PDE8B: variants seen among roughly 807,000 people sequenced by gnomAD.
The protein encoded by PDE8B is high affinity cAMP-specific and IBMX-insensitive 3',5'-cyclic phosphodiesterase 8B.
In PDE8B, 26 loss-of-function variants were observed where a neutral mutation model predicts 101.3. That is an observed-to-expected ratio of 0.26 (90% CI 0.19 to 0.36). The LOEUF (loss-of-function observed/expected upper bound fraction) is 0.36, where lower values mean the gene tolerates loss of function less well. Among genes scored for constraint, PDE8B ranks in the 10% least tolerant of loss-of-function variants. PDE8B has a pLI of 1.00. For synonymous variants in PDE8B, 424 were observed against 429.3 expected (o/e 0.99, Z 0.15); for missense variants, 810 against 1,163.1 (o/e 0.70, Z 4.42).
intron 1 of PDE8B, among the ~76,000 whole-genome samples, chr5:77,303,986 G>C (rs1012542121): frequency 1.1e-4 from 16 of 152,012 alleles, no homozygotes; most frequent in Non-Finnish European, 2.4e-4. Context: ...CTAAATTTTT[G>C]TTACAAACAA....
At chr5:77,101,350 C>T in the PDE8B span, among the ~76,000 whole-genome samples, 2 of 152,092 alleles carry the variant, frequency 1.3e-5, no homozygotes, top group East Asian at 3.9e-4. Context: ...GAGGCACAAG[C>T]AGATCTAGGG....
intron 1 of PDE8B, among the ~76,000 whole-genome samples, chr5:77,240,377 T>TCTC (rs1755529974): frequency 6.6e-6 from 1 of 152,146 alleles, no homozygotes; most frequent in South Asian, 2.1e-4. Context: ...ATGGTCTTGA[T>TCTC]CTCCTGACCT....
Position 77,277,143 on chromosome 5 carries a change from G to A in PDE8B, c.340-34851G>A, listed in dbSNP as rs369248188. Among the ~76,000 whole-genome samples the A allele has an allele frequency of 3.9e-5, 6 of 152,240 alleles. No individual in the cohort carries two copies. The South Asian group carries it at 6.2e-4, about 16-fold the overall frequency. On this transcript the variant is annotated intron_variant, in intron 1 of 21. Transcript: ENST00000264917. ...TCTCCAAGGGGTGCTGTGGTAGAAC[G>A]CAGAAGGAGATTTTTGGAAAATTGC...
At chr5:77,180,967 C>CGTGTGTGTGT in the PDE8B span, among the ~76,000 whole-genome samples, 492 of 147,634 alleles carry the variant, frequency 3.3e-3, 5 homozygotes, top group African/African-American at 0.011. Flanking sequence ...GGTGTGTACA[C>CGTGTGTGTGT]GTGTGTGTGT....
chr5:77,317,007 T>C (rs896494095), intron 2 of PDE8B, among the ~76,000 whole-genome samples: 1 of 152,198 alleles, frequency 6.6e-6, no homozygotes, highest in African/African-American at 2.4e-5. Flanking sequence ...CATTCAAACA[T>C]AGAGTTTGAC....
intron 20 of PDE8B, among the ~76,000 whole-genome samples, chr5:77,423,638 T>TG (rs1442051305): frequency 6.0e-5 from 7 of 116,000 alleles, no homozygotes; most frequent in African/African-American, 2.4e-4. Context: ...TTTAGTTTTT[T>TG]TTTTTTTTTT....
At chr5:77,261,393 A>G (rs545973625) in intron 1 of PDE8B, among the ~76,000 whole-genome samples, 1 of 152,334 alleles carries the variant, frequency 6.6e-6, no homozygotes, top group Non-Finnish European at 1.5e-5. Flanking sequence ...TGTTTAATGT[A>G]GACCAAGGTT....
intron 10 of PDE8B, among the ~76,000 whole-genome samples, chr5:77,395,618 T>C (rs1282459786): frequency 6.6e-6 from 1 of 152,118 alleles, no homozygotes; most frequent in Non-Finnish European, 1.5e-5. Context: ...CTAATGTTTT[T>C]ATTAGCATCT....
At chr5:77,315,048 A>G (rs764026369) in intron 2 of PDE8B, among the ~76,000 whole-genome samples, 13 of 152,204 alleles carry the variant, frequency 8.5e-5, no homozygotes, top group Admixed American at 2.6e-4. Context: ...ATTGAGTTGT[A>G]TGAGTTCTTT....
chr5:77,310,282 A>G (rs998543922), intron 1 of PDE8B, among the ~76,000 whole-genome samples: 13 of 152,216 alleles, frequency 8.5e-5, no homozygotes, highest in Non-Finnish European at 1.6e-4. Flanking sequence ...GCGTTCTGGC[A>G]GTTGCACTGC....
the PDE8B span, among the ~76,000 whole-genome samples, chr5:77,158,475 A>C: frequency 7.9e-5 from 12 of 152,316 alleles, no homozygotes; most frequent in East Asian, 2.1e-3. Context: ...CTTCTAAAAC[A>C]ATGCAAGAGC....
chr5:77,246,558 T>G (rs1756992449), intron 1 of PDE8B, among the ~76,000 whole-genome samples: 1 of 152,240 alleles, frequency 6.6e-6, no homozygotes, highest in Non-Finnish European at 1.5e-5. Context: ...GTGAAAATTA[T>G]CTGAAATTCC....
chr5:77,104,971 C>A, the PDE8B span: 1 of 152,156 alleles, frequency 6.6e-6, no homozygotes, highest in Admixed American at 6.5e-5. Flanking sequence ...TCCCCTTCTC[C>A]CCACCCCCAG....
At chr5:77,113,136 C>T in the PDE8B span, 1 of 152,168 alleles carries the variant, frequency 6.6e-6, no homozygotes, top group Admixed American at 6.5e-5. Flanking sequence ...CATCAAACCA[C>T]CACTGACTTT....
intron 10 of PDE8B, among the ~76,000 whole-genome samples, chr5:77,377,670 CATTTGAATCAGTGGACTGA>C (rs1786409195): frequency 6.6e-6 from 1 of 152,176 alleles, no homozygotes; most frequent in African/African-American, 2.4e-5. Flanking sequence ...AAGAGACTGG[CATTTGAATCAGTGGACTGA>C]ATTTGAATCA....
chr5:77,312,657 C>T (rs547200112), intron 2 of PDE8B, among the ~76,000 whole-genome samples: 3 of 152,238 alleles, frequency 2.0e-5, no homozygotes, highest in Non-Finnish European at 4.4e-5. Context: ...TATTGCTTCA[C>T]TCCTCTGACC....
the PDE8B span, among the ~76,000 whole-genome samples, chr5:77,190,562 G>T: frequency 3.9e-4 from 60 of 152,344 alleles, no homozygotes; most frequent in Admixed American, 1.1e-3. Context: ...GAAGCCAAGA[G>T]AAAGCAATTG....
At chr5:77,232,544 G>T (rs572537011) in intron 1 of PDE8B, among the ~76,000 whole-genome samples, 67 of 152,340 alleles carry the variant, frequency 4.4e-4, no homozygotes, top group Non-Finnish European at 8.5e-4. Flanking sequence ...CATTCACATA[G>T]CTGCATATAT....
Position 77,427,995 on chromosome 5 carries a change from A to G in PDE8B, c.*1441A>G, listed in dbSNP as rs1798446434. 1 of 152,218 alleles carries G rather than the reference A, an allele frequency of 6.6e-6. No individual in the cohort carries two copies. The highest frequency in any genetic ancestry group is 1.5e-5 in the Non-Finnish European group (1 of 68,036). 9.4% of individuals were successfully genotyped at this position (152,218 alleles called of 1,614,324 possible). A position where few individuals can be genotyped will look rare whatever the true frequency, so the allele number is the denominator to read the frequency against. ...TGACTTATCACTACATAATGTGCCA[A>G]TGTTTTTTTCTATGTTTTGTACCAA... On this transcript the variant is annotated 3_prime_UTR_variant, in exon 22 of 22. Transcript: ENST00000264917.
Sources: gnomAD v4.1 joint callset for allele counts (sites outside exome capture counted in the v4.1 genomes callset) on GRCh38, gnomAD v4.1.1 for gene constraint, MANE v1.5 for transcripts, NCBI Gene and HGNC (gene_info 2026-07-23, HGNC 2026-07-21) for gene names.